The following CAMTA1 variants were observed in gnomAD, a reference collection of about 807,000 sequenced individuals.
CAMTA1 encodes calmodulin-binding transcription activator 1.
In CAMTA1, 27 loss-of-function variants were observed where a neutral mutation model predicts 170.9. The observed-to-expected ratio is 0.16, with a 90% confidence interval of 0.12 to 0.22. The LOEUF is 0.22. CAMTA1 is among the 10% of genes least tolerant of loss of function. The pLI is 1.00. For missense variants in CAMTA1, 1,619 were observed against 2,217.2 expected (o/e 0.73, Z 5.42); for synonymous variants, 833 against 891.5 (o/e 0.93, Z 1.17).
At chr1:7,760,317 C>T (rs2096965140) in intron 22 of CAMTA1, among the ~76,000 whole-genome samples, 1 of 152,226 alleles carries the variant, frequency 6.6e-6, no homozygotes. Context: ...CATAGCTGCA[C>T]TGGGTCATTA....
At chr1:7,747,912 T>C (rs984826580) in intron 19 of CAMTA1, 131 bp downstream of exon 19, 1 of 563,158 alleles carries the variant, frequency 1.8e-6, no homozygotes, top group Non-Finnish European at 3.0e-6. Flanking sequence ...GGTTGTTTTT[T>C]TTTTTTTATT....
intron 4 of CAMTA1, among the ~76,000 whole-genome samples, chr1:7,243,974 T>A (rs11799712): frequency 0.065 from 9,897 of 151,622 alleles, 1,011 homozygotes; most frequent in African/African-American, 0.22. Flanking sequence ...TGGGAGAAAA[T>A]TTTTGCAATC....
chr1:7,418,784 T>C (rs899144748), intron 5 of CAMTA1, among the ~76,000 whole-genome samples: 2 of 152,232 alleles, frequency 1.3e-5, no homozygotes, highest in Non-Finnish European at 2.9e-5. Flanking sequence ...GGCAAGCACG[T>C]TGGAGCATCC....
intron 5 of CAMTA1, among the ~76,000 whole-genome samples, chr1:7,264,645 C>A (rs562200091): frequency 7.4e-4 from 112 of 152,236 alleles, no homozygotes; most frequent in African/African-American, 2.5e-3. Flanking sequence ...ATAAATAATG[C>A]AGTTTATGTT....
In CAMTA1 at chr1:7,472,161, A is replaced by G. The variant is rs1175496604; in HGVS notation, c.510+4260A>G. Among the ~76,000 whole-genome samples, 3 of 152,208 alleles carry G rather than the reference A, an allele frequency of 2.0e-5. No homozygotes were observed. The East Asian group carries it at 5.8e-4, about 29-fold the overall frequency. On this transcript the variant is annotated intron_variant, in intron 6 of 22. Transcript: ENST00000303635. ...GTCCTTCCTGGCCCACGCTGGCAGC[A>G]CAGACCAAGCCTGTGGGGGCAAGAG...
intron 3 of CAMTA1, among the ~76,000 whole-genome samples, chr1:6,872,633 T>G (rs1308582884): frequency 1.3e-5 from 2 of 152,220 alleles, no homozygotes; most frequent in Admixed American, 1.3e-4. Flanking sequence ...TTCATGACTG[T>G]TTTTCAAACA....
At chr1:6,936,328 A>G (rs2149396912) in intron 3 of CAMTA1, among the ~76,000 whole-genome samples, 1 of 152,328 alleles carries the variant, frequency 6.6e-6, no homozygotes, top group South Asian at 2.1e-4. Flanking sequence ...ATTTAGTACA[A>G]AGTGATGGCA....
At chr1:6,976,469 T>C (rs922440623) in intron 3 of CAMTA1, among the ~76,000 whole-genome samples, 2 of 152,182 alleles carry the variant, frequency 1.3e-5, no homozygotes, top group Non-Finnish European at 1.5e-5. Flanking sequence ...TGCTGGACTG[T>C]GCAAGGGGGA....
chr1:7,126,353 A>G (rs1455695229), intron 4 of CAMTA1, among the ~76,000 whole-genome samples: 1 of 152,148 alleles, frequency 6.6e-6, no homozygotes, highest in Non-Finnish European at 1.5e-5. Flanking sequence ...CCCCCTCCCT[A>G]ATTCAATCTG....
intron 6 of CAMTA1, among the ~76,000 whole-genome samples, chr1:7,541,449 T>A (rs1001051812): frequency 6.6e-6 from 1 of 152,220 alleles, no homozygotes; most frequent in Non-Finnish European, 1.5e-5. Flanking sequence ...ATTTGGTCAA[T>A]AAAGCAAATT....
intron 11 of CAMTA1, among the ~76,000 whole-genome samples, chr1:7,727,919 G>A (rs1449675121): frequency 1.3e-5 from 2 of 152,252 alleles, no homozygotes; most frequent in African/African-American, 4.8e-5. Flanking sequence ...GCATAGCACA[G>A]TGCAACAGAC....
In CAMTA1 at chr1:6,945,008, CCT is replaced by C. The variant is rs970575188; in HGVS notation, c.234+119799_234+119800del. Reference sequence around the variant, plus strand: ...TAGCCCCATCGTACGTCGAGGAGCGCCTGCGTGTGGTTTGTGTTTTTATTATG... The same window carrying C: ...TAGCCCCATCGTACGTCGAGGAGCGCGCGTGTGGTTTGTGTTTTTATTATG... On this transcript the variant is annotated intron_variant, in intron 3 of 22. Coordinates refer to ENST00000303635, the MANE Select transcript of CAMTA1 (RefSeq NM_015215.4). 4.6e-4 allele frequency among the ~76,000 whole-genome samples: 70 copies of C among 152,112 alleles called. 1 individual carries two copies. Among genetic ancestry groups the C allele is most frequent in the Admixed American group, 1.8e-3 (28 of 15,278 alleles).
At chr1:7,709,762 A>G (rs1387414274) in intron 11 of CAMTA1, among the ~76,000 whole-genome samples, 1 of 152,206 alleles carries the variant, frequency 6.6e-6, no homozygotes, top group Non-Finnish European at 1.5e-5. Flanking sequence ...CCTTATGTAA[A>G]TTACCTTGTA....
At chr1:7,073,046 G>A (rs1558057190) in intron 3 of CAMTA1, among the ~76,000 whole-genome samples, 1 of 152,228 alleles carries the variant, frequency 6.6e-6, no homozygotes, top group Admixed American at 6.5e-5. Context: ...TAGATGGGAG[G>A]AGGTGCTGGT....
rs527408653 is a variant in CAMTA1 at position 6,988,207 on chromosome 1, C to T, written c.235-103097C>T. Reference sequence around the variant, plus strand: ...CCCAGTGCAGTCTGGGGAGGTGGTGCGGGTGCGCTGGGTGATTCTGCTGGG... The same window carrying T: ...CCCAGTGCAGTCTGGGGAGGTGGTGTGGGTGCGCTGGGTGATTCTGCTGGG... On this transcript the variant is annotated intron_variant, in intron 3 of 22. Coordinates refer to ENST00000303635, the MANE Select transcript of CAMTA1 (RefSeq NM_015215.4). Among the ~76,000 whole-genome samples the T allele has an allele frequency of 3.4e-4, 51 of 152,132 alleles. 1 individual carries two copies. In the South Asian group the frequency reaches 9.3e-3, roughly 28 times the overall value.
chr1:7,143,462 C>T (rs1573413886), intron 4 of CAMTA1, among the ~76,000 whole-genome samples: 1 of 152,160 alleles, frequency 6.6e-6, no homozygotes, highest in Non-Finnish European at 1.5e-5. Context: ...CAGACAAACT[C>T]CTAAGTGCCA....
chr1:7,499,989 A>C lies in CAMTA1; in HGVS notation c.510+32088A>C, dbSNP rs1216175771. 2.9e-5 allele frequency among the ~76,000 whole-genome samples: 4 copies of C among 139,846 alleles called. 1 individual carries two copies. The highest frequency in any genetic ancestry group is 5.5e-5 in the African/African-American group (2 of 36,322). The allele number at this position is 139,846 out of a possible 152,430, so 91.7% of individuals were successfully genotyped here. A position where few individuals can be genotyped will look rare whatever the true frequency, so the allele number is the denominator to read the frequency against. ...GAGCCTGGTGTGCGTGCATAGGTATATGAGTGTGTGTGTGCATATGTGCAC... is the reference window on the plus strand; with the variant it reads ...GAGCCTGGTGTGCGTGCATAGGTATCTGAGTGTGTGTGTGCATATGTGCAC... On this transcript the variant is annotated intron_variant, in intron 6 of 22. Transcript: ENST00000303635.
chr1:6,840,130 C>T (rs1340124868), intron 3 of CAMTA1, among the ~76,000 whole-genome samples: 2 of 152,010 alleles, frequency 1.3e-5, no homozygotes, highest in African/African-American at 4.8e-5. Context: ...ACCTGGGAGG[C>T]AGAGGTTGCA....
intron 4 of CAMTA1, among the ~76,000 whole-genome samples, chr1:7,165,257 A>C (rs1445226403): frequency 6.6e-6 from 1 of 152,194 alleles, no homozygotes; most frequent in Non-Finnish European, 1.5e-5. Context: ...AAGCATAGAG[A>C]ATAATGTAAT....
Sources: allele counts gnomAD v4.1 joint callset (sites outside exome capture counted in the v4.1 genomes callset), GRCh38; gene constraint gnomAD v4.1.1; transcripts MANE v1.5; gene names NCBI Gene and HGNC (gene_info 2026-07-23, HGNC 2026-07-21).